FAM186B: variants seen among roughly 807,000 people sequenced by gnomAD.
FAM186B encodes family with sequence similarity 186 member B, also known as protein FAM186B.
FAM186B carries 68 observed loss-of-function variants against 83.4 expected under a neutral mutation model. That is an observed-to-expected ratio of 0.81 (90% confidence interval 0.67 to 1.00). The LOEUF (loss-of-function observed/expected upper bound fraction) is 1.00, where lower values mean the gene tolerates loss of function less well. Among genes scored for constraint, FAM186B ranks in the 50% least tolerant of loss-of-function variants. The pLI is 0.00. For missense variants in FAM186B, 983 were observed against 1,099.2 expected (o/e 0.89, Z 1.49); for synonymous variants, 389 against 422.0 (o/e 0.92, Z 0.96).
rs1218365623 is a variant in FAM186B at position 49,600,327 on chromosome 12, C to T, written c.1313G>A (p.Gly438Asp). 6.2e-7 allele frequency: 1 copy of T among 1,614,030 alleles called. No individual in the cohort carries two copies. The highest frequency in any genetic ancestry group is 1.3e-5 in the African/African-American group (1 of 74,928). The change falls in exon 4 of 7, where the codon GGC becomes GAC. Residue 438 changes from glycine (G) to aspartate (D), a missense_variant. Transcript: ENST00000257894. The surrounding 1 kb of genome is among the most constrained non-coding windows in gnomAD (Gnocchi z 4.3). ...KWERPVAESL[G>D]HKDKDQEDYF... ...GTCCTCCTGGTCTTTGTCTTTGTGGCCTAAGCTTTCTGCCACCGGTCTTTC... is the reference window on the plus strand; with the variant it reads ...GTCCTCCTGGTCTTTGTCTTTGTGGTCTAAGCTTTCTGCCACCGGTCTTTC...
At chr12:49,611,077 T>TA in the FAM186B span, among the ~76,000 whole-genome samples, 4 of 149,394 alleles carry the variant, frequency 2.7e-5, no homozygotes, top group Non-Finnish European at 3.0e-5. Context: ...TTGTCTCTAC[T>TA]AAAAAAAAAA....
the FAM186B span, among the ~76,000 whole-genome samples, chr12:49,618,343 GAA>G: frequency 7.2e-6 from 1 of 139,522 alleles, no homozygotes; most frequent in Non-Finnish European, 1.6e-5. Flanking sequence ...GACTCCGTCT[GAA>G]AAAAAAAAAA....
At chr12:49,615,255 C>T in the FAM186B span, among the ~76,000 whole-genome samples, 1 of 151,748 alleles carries the variant, frequency 6.6e-6, no homozygotes, top group East Asian at 1.9e-4. Flanking sequence ...TTCCCAAAAA[C>T]CTATTGAAAT....
chr12:49,603,371 G>C lies in FAM186B; in HGVS notation c.323-4C>G. 3 of 1,614,120 alleles carry C rather than the reference G, an allele frequency of 1.9e-6. No homozygotes were observed. Among genetic ancestry groups the C allele is most frequent in the Non-Finnish European group, 2.5e-6 (3 of 1,179,996 alleles). On this transcript the variant is annotated splice_polypyrimidine_tract_variant and splice_region_variant and intron_variant, in intron 2 of 6. Coordinates refer to ENST00000257894, the MANE Select transcript of FAM186B (RefSeq NM_032130.3). ...ATCTCATAGGTCAGAGTGTCACCTG[G>C]AGAAGGGATGGGAGGTGCAGGCTGA...
Position 49,600,607 on chromosome 12 carries a change from C to T in FAM186B, c.1033G>A (p.Glu345Lys). ...SVDSPGPSER[E>K]TLPRKETVME... Reference sequence around the variant, plus strand: ...ACTGTTTCTTTCCTTGGGAGGGTCTCTCTCTCAGAGGGACCTGGGGAGTCA... The same window carrying T: ...ACTGTTTCTTTCCTTGGGAGGGTCTTTCTCTCAGAGGGACCTGGGGAGTCA... The change falls in exon 4 of 7, where the codon GAG becomes AAG. Residue 345 changes from glutamate (E) to lysine (K), a missense_variant. Glu to Lys is a moderately conservative substitution (Grantham distance 56). Transcript: ENST00000257894. The surrounding 1 kb of genome is among the most constrained non-coding windows in gnomAD (Gnocchi z 4.3). The T allele has an allele frequency of 6.2e-7, 1 of 1,612,442 alleles. No homozygotes were observed. The highest frequency in any genetic ancestry group is 8.5e-7 in the Non-Finnish European group (1 of 1,179,044).
At chr12:49,604,054 G>A in intron 2 of FAM186B, 1 of 501,072 alleles carries the variant, frequency 2.0e-6, no homozygotes, top group Non-Finnish European at 3.5e-6. Flanking sequence ...ATGTGGGTTT[G>A]AATTTAGTTT....
At chr12:49,584,641 G>A (rs11169078), downstream of FAM186B, 5 of 702,166 alleles carry the variant, frequency 7.1e-6, no homozygotes, top group East Asian at 2.7e-5. Flanking sequence ...AGTTACAGGT[G>A]GGGGAGTAAC....
At chr12:49,614,663 C>T in the FAM186B span, among the ~76,000 whole-genome samples, 1 of 152,080 alleles carries the variant, frequency 6.6e-6, no homozygotes, top group Non-Finnish European at 1.5e-5. Context: ...ATCAATCATA[C>T]CCCCAACCAC....
In FAM186B at chr12:49,605,609, T is replaced by C. The variant is rs1940001470; in HGVS notation, c.-132A>G. On this transcript the variant is annotated 5_prime_UTR_variant, in exon 1 of 7. Coordinates refer to ENST00000257894, the MANE Select transcript of FAM186B (RefSeq NM_032130.3). ...GTACCCTCTGCCCAGGCACAGCTCC[T>C]CTGGTAACTGCCAAACACCAGGTTC... 1 of 873,308 alleles carries C rather than the reference T, an allele frequency of 1.1e-6. No individual in the cohort carries two copies. The highest frequency in any genetic ancestry group is 2.9e-5 in the Admixed American group (1 of 34,414). 54.1% of individuals were successfully genotyped at this position (873,308 alleles called of 1,614,324 possible). A position where few individuals can be genotyped will look rare whatever the true frequency, so the allele number is the denominator to read the frequency against.
rs752423630 is a variant in FAM186B at position 49,603,270 on chromosome 12, C to A, written c.420G>T (p.Leu140=). 1 of 1,614,186 alleles carries A rather than the reference C, an allele frequency of 6.2e-7. No individual in the cohort carries two copies. The highest frequency in any genetic ancestry group is 8.5e-7 in the Non-Finnish European group (1 of 1,180,046). The change falls in exon 3 of 7, where the codon CTG becomes CTT. Residue 140 remains leucine, a synonymous_variant. Transcript: ENST00000257894. ...TGCCTCTTTTGGTGGCAATGAGGGACAGCGGTAACACTTTCTCCGTCACTT... is the reference window on the plus strand; with the variant it reads ...TGCCTCTTTTGGTGGCAATGAGGGAAAGCGGTAACACTTTCTCCGTCACTT... ...WIEVTEKVLP[L]SLIATKRGIE... is the part of the protein sequence containing the mutation.
chr12:49,595,689 T>G, intron 5 of FAM186B: 1 of 376,314 alleles, frequency 2.7e-6, no homozygotes, highest in Non-Finnish European at 5.4e-6. Flanking sequence ...TCTTAAAGAC[T>G]AGAGCAGCAA....
chr12:49,621,143 C>T, the FAM186B span, among the ~76,000 whole-genome samples: 1 of 152,148 alleles, frequency 6.6e-6, no homozygotes, highest in African/African-American at 2.4e-5. Flanking sequence ...AACACTTTGC[C>T]AGGTCGAGGC....
Position 49,598,751 on chromosome 12 carries a change from C to T in FAM186B, c.2364+4G>A. 1 of 1,596,916 alleles carries T rather than the reference C, an allele frequency of 6.3e-7. No homozygotes were observed. Among genetic ancestry groups the T allele is most frequent in the Non-Finnish European group, 8.5e-7 (1 of 1,174,294 alleles). On this transcript the variant is annotated splice_donor_region_variant and intron_variant, in intron 5 of 6. Transcript: ENST00000257894. ...TGGCGGGGGGGTCAGGGCGGGAGGC[C>T]CACCTTGGGGAACATGGTCACCATG...
the FAM186B span, among the ~76,000 whole-genome samples, chr12:49,616,490 G>A: frequency 6.6e-6 from 1 of 152,158 alleles, no homozygotes. Context: ...CTGGTGAATG[G>A]ATAAACAAAT....
intron 5 of FAM186B, among the ~76,000 whole-genome samples, chr12:49,596,433 T>C (rs1939728529): frequency 6.6e-6 from 1 of 151,746 alleles, no homozygotes; most frequent in South Asian, 2.1e-4. Context: ...CTGCTCTGTC[T>C]GTGGAGCAGC....
chr12:49,603,447 C>T, intron 2 of FAM186B, 80 bp from the exon 3 acceptor site: 3 of 1,408,598 alleles, frequency 2.1e-6, no homozygotes, highest in Non-Finnish European at 2.0e-6. Flanking sequence ...CACAGGGGTT[C>T]CAGCAGCTGT....
chr12:49,607,317 A>G (rs1174714835), upstream of FAM186B, among the ~76,000 whole-genome samples: 2 of 152,164 alleles, frequency 1.3e-5, no homozygotes, highest in Admixed American at 1.3e-4. Context: ...GGAAGAAAAG[A>G]GAGAAGACAA....
intron 5 of FAM186B, among the ~76,000 whole-genome samples, chr12:49,590,459 G>A (rs1159833798): frequency 6.6e-6 from 1 of 152,124 alleles, no homozygotes; most frequent in Admixed American, 6.5e-5. Flanking sequence ...ATCTCTGAAT[G>A]GGATATAATG....
At chr12:49,585,504 C>T (rs138276448), downstream of FAM186B, among the ~76,000 whole-genome samples, 1 of 152,336 alleles carries the variant, frequency 6.6e-6, no homozygotes, top group African/African-American at 2.4e-5. Context: ...AAAAAAATCT[C>T]AGAGAAGGGG....
Sources: gnomAD v4.1 joint callset for allele counts (sites outside exome capture counted in the v4.1 genomes callset) on GRCh38, gnomAD v4.1.1 for gene constraint, Gnocchi (gnomAD v3.1) non-coding constraint, MANE v1.5 for transcripts, NCBI Gene and HGNC (gene_info 2026-07-23, HGNC 2026-07-21) for gene names.